The following TENM1 variants were observed in gnomAD, a reference collection of about 807,000 sequenced individuals.
TENM1 encodes teneurin-1.
Under a neutral mutation model 174.8 loss-of-function variants are expected in TENM1, and 35 were observed. The ratio of observed to expected loss-of-function variants is 0.20; its 90% confidence interval spans 0.15 to 0.27. TENM1 has a LOEUF of 0.27. Ranked by LOEUF, TENM1 falls within the 10% of genes least tolerant of loss-of-function variation. The probability of loss-of-function intolerance (pLI) is 1.00; values close to 1 mark genes in which losing one functional copy is unlikely to be tolerated. For missense variants in TENM1, 1,633 were observed against 2,130.1 expected, an observed-to-expected ratio of 0.77 and a Z score of 4.59; for synonymous variants, 781 against 798.7, an observed-to-expected ratio of 0.98 and a Z score of 0.37.
chrX:125,151,878 T>C, the TENM1 span, among the ~76,000 whole-genome samples: 1 of 112,040 alleles, frequency 8.9e-6, no homozygotes, highest in Non-Finnish European at 1.9e-5. Flanking sequence ...ATAGTGTCTA[T>C]GTGGGGAAAC....
chrX:124,574,606 T>C (rs930316049), intron 11 of TENM1, among the ~76,000 whole-genome samples: 1 of 111,107 alleles, frequency 9.0e-6, no homozygotes, highest in Non-Finnish European at 1.9e-5. Flanking sequence ...GAACAGAGAA[T>C]GAATGAGCCT....
At chrX:124,855,930 A>G (rs2056807371) in intron 3 of TENM1, among the ~76,000 whole-genome samples, 1 of 111,383 alleles carries the variant, frequency 9.0e-6, no homozygotes, top group Admixed American at 9.5e-5. Flanking sequence ...GGGAAGAGAA[A>G]AAGGAAGAAA....
the TENM1 span, among the ~76,000 whole-genome samples, chrX:125,064,059 G>A: frequency 1.1e-3 from 117 of 106,366 alleles, no homozygotes; most frequent in Non-Finnish European, 2.1e-3. Flanking sequence ...CTATCGCAAG[G>A]ACAAAAAACC....
chrX:124,530,123 A>G, intron 15 of TENM1, 140 bp from the exon 19 acceptor site: 1 of 622,333 alleles, frequency 1.6e-6, no homozygotes, highest in East Asian at 4.0e-5. Context: ...TACTAATAAC[A>G]TTCTGGGGAG....
intron 5 of TENM1, among the ~76,000 whole-genome samples, chrX:124,692,684 A>C (rs1359228244): frequency 1.8e-5 from 2 of 109,113 alleles, no homozygotes; most frequent in Non-Finnish European, 3.8e-5. Context: ...TTTGAATAAA[A>C]TCCTTGGCTC....
At chrX:125,172,546 T>C in the TENM1 span, among the ~76,000 whole-genome samples, 9 of 111,499 alleles carry the variant, frequency 8.1e-5, no homozygotes, top group Admixed American at 7.7e-4. Flanking sequence ...TGTTAAAATA[T>C]TGTCTAGACC....
intron 5 of TENM1, among the ~76,000 whole-genome samples, chrX:124,674,929 C>A (rs1388074545): frequency 9.0e-6 from 1 of 111,328 alleles, no homozygotes; most frequent in Non-Finnish European, 1.9e-5. Context: ...ACTAAGGGGG[C>A]TATTTTATAT....
intron 11 of TENM1, among the ~76,000 whole-genome samples, chrX:124,633,095 A>G (rs1296379098): frequency 8.9e-6 from 1 of 112,140 alleles, no homozygotes; most frequent in African/African-American, 3.2e-5. Flanking sequence ...TTTGGGATCT[A>G]TTGTCACTTC....
At chrX:125,166,785 G>A in the TENM1 span, among the ~76,000 whole-genome samples, 2 of 111,511 alleles carry the variant, frequency 1.8e-5, no homozygotes, top group African/African-American at 6.5e-5. Flanking sequence ...ATATGGCACT[G>A]TTGTTATCTC....
chrX:124,563,841 T>G, intron 12 of TENM1, 69 bp from the exon 16 acceptor site: 1 of 988,811 alleles, frequency 1.0e-6, no homozygotes, highest in Non-Finnish European at 1.4e-6. Flanking sequence ...TATGTACTAA[T>G]GGTTTACCAT....
intron 3 of TENM1, among the ~76,000 whole-genome samples, chrX:124,768,803 C>T (rs1334509918): frequency 8.9e-6 from 1 of 112,460 alleles, no homozygotes; most frequent in Non-Finnish European, 1.9e-5. Context: ...TAGCAGGAAA[C>T]ATCTGGGTGA....
intron 27 of TENM1, 66 bp downstream of exon 30, chrX:124,404,965 A>G: frequency 9.9e-7 from 1 of 1,008,111 alleles, no homozygotes. Context: ...ACAAACAAAC[A>G]AACAAACAAA....
At chrX:124,550,191 G>A (rs1010623671) in intron 14 of TENM1, among the ~76,000 whole-genome samples, 1 of 111,526 alleles carries the variant, frequency 9.0e-6, no homozygotes. Context: ...TCTTTGCTGC[G>A]TGATCAAGTC....
intron 11 of TENM1, among the ~76,000 whole-genome samples, chrX:124,583,316 C>T (rs1288244514): frequency 9.0e-6 from 1 of 111,152 alleles, no homozygotes; most frequent in Non-Finnish European, 1.9e-5. Flanking sequence ...CTCACACGGC[C>T]GGGTACTCCT....
intron 3 of TENM1, among the ~76,000 whole-genome samples, chrX:124,866,849 T>C (rs1055423943): frequency 1.8e-5 from 2 of 111,182 alleles, no homozygotes; most frequent in Non-Finnish European, 3.8e-5. Flanking sequence ...CAAAGTATCA[T>C]TAGTGTAATA....
chrX:124,524,168 G>A (rs970863925), intron 16 of TENM1, among the ~76,000 whole-genome samples: 4 of 111,039 alleles, frequency 3.6e-5, no homozygotes, highest in African/African-American at 9.8e-5. Flanking sequence ...GAGCCACTGC[G>A]CCCAGCCTGT....
At chrX:125,061,284 A>C in the TENM1 span, among the ~76,000 whole-genome samples, 1 of 111,422 alleles carries the variant, frequency 9.0e-6, no homozygotes, top group African/African-American at 3.3e-5. Flanking sequence ...CATGCCAAGC[A>C]TTGTTTCCCT....
the TENM1 span, among the ~76,000 whole-genome samples, chrX:125,049,340 T>C: frequency 8.9e-6 from 1 of 112,395 alleles, no homozygotes; most frequent in Non-Finnish European, 1.9e-5. Context: ...CAAACAATTA[T>C]GTGGCCTTAT....
At chrX:124,671,822 G>A (rs753436734) in exon 6 of TENM1, 17 of 1,208,743 alleles carry the variant, frequency 1.4e-5, no homozygotes, top group Non-Finnish European at 1.8e-5. Context: ...AAGTCAGGCC[G>A]AACAAATGCA....
Sources: allele counts gnomAD v4.1 joint callset (sites outside exome capture counted in the v4.1 genomes callset), GRCh38; gene constraint gnomAD v4.1.1; transcripts MANE v1.5; gene names NCBI Gene and HGNC (gene_info 2026-07-23, HGNC 2026-07-21).